The following MCU variants were observed in gnomAD, a reference collection of about 807,000 sequenced individuals.
MCU encodes mitochondrial calcium uniporter.
Under a neutral mutation model 45.2 loss-of-function variants are expected in MCU, and 12 were observed. The ratio of observed to expected loss-of-function variants is 0.27; its 90% CI spans 0.17 to 0.43. The LOEUF is 0.43. Among genes scored for constraint, MCU ranks in the 20% least tolerant of loss-of-function variants. The pLI is 1.00. For synonymous variants in MCU, 160 were observed against 165.1 expected (o/e 0.97, Z 0.24); for missense variants, 324 against 436.7 (o/e 0.74, Z 2.30).
At chr10:72,862,366 C>T (rs909691889) in intron 4 of MCU, among the ~76,000 whole-genome samples, 1 of 152,182 alleles carries the variant, frequency 6.6e-6, no homozygotes, top group Non-Finnish European at 1.5e-5. Context: ...CCTTCCACCA[C>T]TCCTTCCACC....
chr10:72,707,767 C>T (rs1842842515), intron 1 of MCU, among the ~76,000 whole-genome samples: 1 of 151,880 alleles, frequency 6.6e-6, no homozygotes, highest in South Asian at 2.1e-4. Context: ...TGACTTAACC[C>T]CTTTGGTCTT....
At chr10:72,853,418 G>A (rs917715908) in intron 2 of MCU, among the ~76,000 whole-genome samples, 2 of 152,136 alleles carry the variant, frequency 1.3e-5, no homozygotes, top group African/African-American at 4.8e-5. Flanking sequence ...AATCCATGAT[G>A]TTGAAGTATA....
chr10:72,697,223 T>C (rs1323179694), intron 1 of MCU, among the ~76,000 whole-genome samples: 1 of 151,350 alleles, frequency 6.6e-6, no homozygotes, highest in African/African-American at 2.4e-5. Context: ...TTCAAGTGAT[T>C]TTCCTGTCTC....
chr10:72,786,973 A>G (rs1244974101), intron 1 of MCU, among the ~76,000 whole-genome samples: 5 of 152,170 alleles, frequency 3.3e-5, no homozygotes, highest in African/African-American at 9.7e-5. Context: ...AAATAGCAAA[A>G]TAGCAAAGAA....
At chr10:72,875,433 A>G (rs1845603427) in intron 6 of MCU, among the ~76,000 whole-genome samples, 1 of 152,218 alleles carries the variant, frequency 6.6e-6, no homozygotes, top group Non-Finnish European at 1.5e-5. Flanking sequence ...TGTGATTACC[A>G]AAATAGTCTT....
chr10:72,834,161 C>G (rs145667327), intron 1 of MCU, among the ~76,000 whole-genome samples, 198 bp from the exon 2 acceptor site: 2 of 152,178 alleles, frequency 1.3e-5, no homozygotes, highest in Admixed American at 1.3e-4. Context: ...TGAAAACATA[C>G]CAAAATGTTC....
intron 1 of MCU, among the ~76,000 whole-genome samples, chr10:72,772,710 A>T (rs1451845259): frequency 6.6e-6 from 1 of 152,220 alleles, no homozygotes; most frequent in Admixed American, 6.5e-5. Context: ...AAAACAAAAC[A>T]AAATCAAAAC....
In MCU at chr10:72,792,916, T is replaced by C. The variant is rs568054680; in HGVS notation, c.151-41443T>C. Among the ~76,000 whole-genome samples, 5 of 152,146 alleles carry C rather than the reference T, an allele frequency of 3.3e-5. No individual in the cohort carries two copies. In the East Asian group the frequency reaches 7.7e-4, roughly 24 times the overall value. On this transcript the variant is annotated intron_variant, in intron 1 of 7. Transcript: ENST00000373053. ...TAAATTGAGATGGAGTCTCACTCTG[T>C]TGCCCAGGCTGGAGTGCAGTGGCAC...
At chr10:72,882,530 A>G (rs1845720354) in intron 6 of MCU, among the ~76,000 whole-genome samples, 1 of 152,090 alleles carries the variant, frequency 6.6e-6, no homozygotes, top group Admixed American at 6.6e-5. Flanking sequence ...TATGGTCGAA[A>G]CTGTAGGGAT....
chr10:72,781,009 G>A (rs948218275), intron 1 of MCU, among the ~76,000 whole-genome samples: 4 of 152,034 alleles, frequency 2.6e-5, no homozygotes, highest in African/African-American at 9.7e-5. Context: ...ATTTATTTGG[G>A]GGTATTTGCC....
intron 1 of MCU, 175 bp downstream of exon 1, chr10:72,692,476 G>A (rs1224802675): frequency 2.6e-6 from 1 of 390,470 alleles, no homozygotes; most frequent in African/African-American, 2.3e-5. Flanking sequence ...CGGCGACCAG[G>A]AAGGGAGGGC....
chr10:72,848,572 C>T (rs1176432685), intron 2 of MCU, among the ~76,000 whole-genome samples: 1 of 152,116 alleles, frequency 6.6e-6, no homozygotes, highest in African/African-American at 2.4e-5. Context: ...AAAGGTCCTG[C>T]CTCTCAACAC....
chr10:72,748,230 T>A (rs1375863093), intron 1 of MCU, among the ~76,000 whole-genome samples: 3 of 152,164 alleles, frequency 2.0e-5, no homozygotes, highest in Non-Finnish European at 4.4e-5. Flanking sequence ...GTATTTTTAG[T>A]AGAGATGCGG....
intron 1 of MCU, among the ~76,000 whole-genome samples, chr10:72,748,043 G>A (rs1336322700): frequency 1.3e-5 from 2 of 150,448 alleles, no homozygotes; most frequent in Admixed American, 1.3e-4. Flanking sequence ...AGAGTCTTAC[G>A]ACAACCATCT....
At position 72,692,161 on chromosome 10, in the gene MCU, G is replaced by T; in HGVS notation, c.10G>T (p.Ala4Ser). 1 of 1,291,060 alleles carries T rather than the reference G, an allele frequency of 7.7e-7. No homozygotes were observed. Among genetic ancestry groups the T allele is most frequent in the Non-Finnish European group, 9.9e-7 (1 of 1,012,328 alleles). 80.0% of individuals were successfully genotyped at this position (1,291,060 alleles called of 1,614,324 possible). The change falls in exon 1 of 8, where the codon GCC (alanine) becomes TCC (serine). Residue 4 changes from alanine (A) to serine (S), a missense_variant. Transcript: ENST00000373053. MAA[A>S]AGRSLLLLLS... ...CGTTTCCAGTTGAGAGATGGCGGCC[G>T]CCGCAGGTAGATCGCTCCTGCTGCT...
intron 1 of MCU, among the ~76,000 whole-genome samples, chr10:72,699,199 G>T (rs763817545): frequency 1.9e-4 from 29 of 152,024 alleles, no homozygotes; most frequent in Admixed American, 8.5e-4. Flanking sequence ...TGTGGAAGTT[G>T]TGCACTTTAA....
intron 3 of MCU, 41 bp from the exon 4 acceptor site, chr10:72,860,382 A>T: frequency 6.7e-7 from 1 of 1,502,724 alleles, no homozygotes; most frequent in African/African-American, 1.4e-5. Flanking sequence ...ATTCTTGAAT[A>T]ATTATGGACC....
intron 2 of MCU, among the ~76,000 whole-genome samples, chr10:72,853,123 A>G (rs1845233263): frequency 6.6e-6 from 1 of 152,214 alleles, no homozygotes; most frequent in South Asian, 2.1e-4. Context: ...CCACCAATCA[A>G]AAATTACTAG....
chr10:72,794,833 C>T (rs1044222000), intron 1 of MCU, among the ~76,000 whole-genome samples: 1 of 152,138 alleles, frequency 6.6e-6, no homozygotes, highest in Non-Finnish European at 1.5e-5. Flanking sequence ...TCCCCCACCT[C>T]CCGTTTGATA....
Sources: gnomAD v4.1 joint callset for allele counts (sites outside exome capture counted in the v4.1 genomes callset) on GRCh38, gnomAD v4.1.1 for gene constraint, MANE v1.5 for transcripts, NCBI Gene and HGNC (gene_info 2026-07-23, HGNC 2026-07-21) for gene names.